MZT2A: variants seen among roughly 807,000 people sequenced by gnomAD.
MZT2A encodes the protein mitotic-spindle organizing protein 2A.
Under a neutral mutation model 12.4 loss-of-function variants are expected in MZT2A, and 8 were observed. The observed-to-expected ratio is 0.64, with a 90% CI of 0.38 to 1.16. MZT2A has a LOEUF of 1.16. Ranked by LOEUF, MZT2A falls within the 50% of genes most tolerant of loss-of-function variation. The probability of loss-of-function intolerance (pLI) is 0.01; values close to 1 mark genes in which losing one functional copy is unlikely to be tolerated. For synonymous variants in MZT2A, 88 were observed against 107.5 expected, an observed-to-expected ratio of 0.82 and a Z score of 1.12; for missense variants, 181 against 223.6, an observed-to-expected ratio of 0.81 and a Z score of 1.22.
At chr2:131,472,808 A>T (rs926456668) in intron 2 of MZT2A, among the ~76,000 whole-genome samples, 4 of 152,272 alleles carry the variant, frequency 2.6e-5, no homozygotes, top group African/African-American at 9.6e-5. Flanking sequence ...CCGCTGAAGG[A>T]CGCGTGGCTG....
downstream of MZT2A, among the ~76,000 whole-genome samples, chr2:131,481,435 A>T (rs1678862507): frequency 2.3e-5 from 3 of 129,260 alleles, no homozygotes; most frequent in African/African-American, 6.0e-5. Flanking sequence ...TGCCCGGGTA[A>T]TTTTTTTTTT....
At chr2:131,480,965 GCGAT>G (rs1466241455), downstream of MZT2A, among the ~76,000 whole-genome samples, 2 of 151,552 alleles carry the variant, frequency 1.3e-5, no homozygotes, top group East Asian at 3.9e-4. Flanking sequence ...GTGCAGTGGT[GCGAT>G]CTCAGCTAAC....
chr2:131,483,673 C>G (rs755285800), downstream of MZT2A, among the ~76,000 whole-genome samples: 117 of 152,226 alleles, frequency 7.7e-4, no homozygotes, highest in Admixed American at 2.0e-3. Flanking sequence ...CAAGATCGCA[C>G]TACTGCACTC....
upstream of MZT2A, chr2:131,492,888 A>G: frequency 2.0e-6 from 3 of 1,505,046 alleles, no homozygotes; most frequent in South Asian, 1.2e-5. Context: ...GGCCGCCACA[A>G]CGCAGGCGCA....
downstream of MZT2A, chr2:131,482,484 G>A (rs1164708074): frequency 1.1e-5 from 17 of 1,536,094 alleles, no homozygotes; most frequent in Admixed American, 2.0e-5. Context: ...TCTGTTTGAG[G>A]AAAAGTAGCT....
At chr2:131,492,503 G>T, upstream of MZT2A, 1 of 1,106,066 alleles carries the variant, frequency 9.0e-7, no homozygotes, top group Non-Finnish European at 1.1e-6. Context: ...CGGGAGCGCG[G>T]GGACGGGGCC....
downstream of MZT2A, chr2:131,479,483 A>C (rs7423999): frequency 0.071 from 107,513 of 1,507,994 alleles, 11,262 homozygotes; most frequent in African/African-American, 0.4. Context: ...TCATGTGGCC[A>C]TTTTCTTGCA....
chr2:131,490,440 G>A lies in MZT2A; in HGVS notation c.319+1436C>T, dbSNP rs1316495165. Reference sequence around the variant, plus strand: ...GGCTGGCTGTCTTCCCCTGGAGAGGGGCTCTTTACACTCACCACTAGTTCG... The same window carrying A: ...GGCTGGCTGTCTTCCCCTGGAGAGGAGCTCTTTACACTCACCACTAGTTCG... On this transcript the variant is annotated intron_variant, in intron 2 of 2. Transcript: ENST00000309451. 7 of 1,310,014 alleles carry A rather than the reference G, an allele frequency of 5.3e-6. No homozygotes were observed. The Admixed American group carries it at 2.0e-4, about 37-fold the overall frequency. 81.1% of individuals were successfully genotyped at this position (1,310,014 alleles called of 1,614,324 possible).
At chr2:131,480,063 T>C (rs1678801884), downstream of MZT2A, 3 of 1,574,846 alleles carry the variant, frequency 1.9e-6, no homozygotes, top group African/African-American at 4.1e-5. Context: ...GTGTGGTTTC[T>C]CTCAGGCGGA....
upstream of MZT2A, chr2:131,493,197 G>A: frequency 1.4e-6 from 2 of 1,391,374 alleles, no homozygotes; most frequent in Non-Finnish European, 9.3e-7. Context: ...GCTTCCGCGA[G>A]CCCCTGCGGA....
chr2:131,491,689 C>T, intron 2 of MZT2A, 187 bp downstream of exon 2: 3 of 789,020 alleles, frequency 3.8e-6, no homozygotes, highest in Non-Finnish European at 5.9e-6. Context: ...CTGACCTGGA[C>T]GTGCCTCCTA....
chr2:131,475,912 C>T (rs548763210), intron 2 of MZT2A, among the ~76,000 whole-genome samples: 82 of 151,732 alleles, frequency 5.4e-4, no homozygotes, highest in African/African-American at 2.0e-3. Flanking sequence ...GAAGACACCC[C>T]GGAAATGCCT....
At chr2:131,484,254 C>A (rs572869272) in intron 2 of MZT2A, 36 bp from the exon 3 acceptor site, 1 of 1,601,926 alleles carries the variant, frequency 6.2e-7, no homozygotes, top group Non-Finnish European at 8.5e-7. Flanking sequence ...TAGGAATGGA[C>A]GCGCCCCATA....
chr2:131,472,758 C>T (rs1678492507), intron 2 of MZT2A, among the ~76,000 whole-genome samples: 3 of 152,160 alleles, frequency 2.0e-5, no homozygotes, highest in African/African-American at 4.8e-5. Context: ...CTCACATCAA[C>T]GAAATTACCT....
intron 2 of MZT2A, among the ~76,000 whole-genome samples, chr2:131,472,385 G>A (rs2928816): frequency 0.28 from 42,697 of 151,750 alleles, 6,652 homozygotes; most frequent in African/African-American, 0.43. Context: ...TGGAATCATA[G>A]CTTACAGTAA....
downstream of MZT2A, chr2:131,482,760 G>C: frequency 1.2e-6 from 2 of 1,614,172 alleles, no homozygotes; most frequent in Non-Finnish European, 1.7e-6. Flanking sequence ...TCTGAGGCCC[G>C]CGAGGACCTG....
chr2:131,493,437 A>T (rs1225027292), upstream of MZT2A, among the ~76,000 whole-genome samples: 1 of 152,182 alleles, frequency 6.6e-6, no homozygotes, highest in Non-Finnish European at 1.5e-5. Context: ...CTTTGTGTTG[A>T]AATTGAGCCT....
At chr2:131,493,043 G>A (rs1409527116), upstream of MZT2A, 32 of 1,488,704 alleles carry the variant, frequency 2.1e-5, no homozygotes, top group Admixed American at 7.1e-5. Flanking sequence ...GCCCGGCCGC[G>A]GGGCGTGGCT....
intron 2 of MZT2A, among the ~76,000 whole-genome samples, chr2:131,487,394 C>T (rs1179066923): frequency 6.6e-5 from 10 of 151,742 alleles, no homozygotes; most frequent in Non-Finnish European, 1.3e-4. Context: ...GGGAGGATTG[C>T]CTGAGCCCAC....
Sources: gnomAD v4.1 joint callset for allele counts (sites outside exome capture counted in the v4.1 genomes callset) on GRCh38, gnomAD v4.1.1 for gene constraint, MANE v1.5 for transcripts, NCBI Gene and HGNC (gene_info 2026-07-23, HGNC 2026-07-21) for gene names.